Variants in DDR2 observed in about 807,000 individuals in gnomAD.
DDR2 encodes discoidin domain receptor tyrosine kinase 2, also known as discoidin domain-containing receptor 2.
A neutral mutation model predicts 94.9 loss-of-function variants in DDR2; 27 were observed. That is an observed-to-expected ratio of 0.28 (90% CI 0.21 to 0.39). The LOEUF is 0.39. DDR2 is among the 10% of genes least tolerant of loss of function. The pLI is 1.00. For missense variants in DDR2, 783 were observed against 1,076.0 expected (o/e 0.73, Z 3.81); for synonymous variants, 382 against 377.2 (o/e 1.01, Z -0.15).
chr1:162,689,197 C>T (rs888772859), intron 2 of DDR2, among the ~76,000 whole-genome samples: 5 of 152,158 alleles, frequency 3.3e-5, no homozygotes, highest in African/African-American at 9.7e-5. Context: ...GACAACAGCA[C>T]TCTGTCATGC....
At chr1:162,693,707 C>T (rs971849779) in intron 2 of DDR2, among the ~76,000 whole-genome samples, 3 of 152,100 alleles carry the variant, frequency 2.0e-5, no homozygotes, top group East Asian at 3.9e-4. Context: ...ATGGGGTGGT[C>T]GAAGAGGACC....
At chr1:162,717,330 C>T (rs1327626706) in intron 2 of DDR2, among the ~76,000 whole-genome samples, 2 of 152,210 alleles carry the variant, frequency 1.3e-5, no homozygotes, top group Non-Finnish European at 2.9e-5. Flanking sequence ...GCCACTGTGC[C>T]TGGCTTTCTA....
chr1:162,660,085 A>G (rs1254235566), intron 2 of DDR2, among the ~76,000 whole-genome samples: 1 of 152,132 alleles, frequency 6.6e-6, no homozygotes, highest in Non-Finnish European at 1.5e-5. Flanking sequence ...TTTTTTGGGC[A>G]CAGAACTCCT....
At chr1:162,675,488 T>C (rs1659084365) in intron 2 of DDR2, among the ~76,000 whole-genome samples, 1 of 152,166 alleles carries the variant, frequency 6.6e-6, no homozygotes, top group South Asian at 2.1e-4. Context: ...GCCTGTAGCC[T>C]GGAGGTGGCT....
Position 162,767,066 on chromosome 1 carries a change from C to A in DDR2, c.1163-163C>A, listed in dbSNP as rs1533083. On this transcript the variant is annotated intron_variant, in intron 10 of 17. Transcript: ENST00000367921. ...AAGTAATAAAACAGTAGCAAGAAAA[C>A]AAAACAGTAGCAAGAGCAAGAATAA... is the stretch of plus-strand genomic sequence containing the variant. 0.97 allele frequency among the ~76,000 whole-genome samples: 144,063 copies of A among 148,048 alleles called. 70,233 individuals carry two copies. Among genetic ancestry groups the A allele is most frequent in the East Asian group, 1 (5,074 of 5,074 alleles).
At chr1:162,639,390 G>C (rs1657009634) in intron 1 of DDR2, among the ~76,000 whole-genome samples, 1 of 152,144 alleles carries the variant, frequency 6.6e-6, no homozygotes, top group Non-Finnish European at 1.5e-5. Flanking sequence ...ATGGAGAAAA[G>C]GTAGTATTTT....
chr1:162,787,320 A>G lies in DDR2; in HGVS notation c.*7074A>G, dbSNP rs1648188485. On this transcript the variant is annotated 3_prime_UTR_variant, in exon 18 of 18. Transcript: ENST00000367921. ...TATCCATTCACTCATCAATAAAAAC[A>G]TATTATGATGGTTATCAAGCTGTGT... 6.6e-6 allele frequency: 1 copy of G among 151,422 alleles called. No individual in the cohort carries two copies. The highest frequency in any genetic ancestry group is 2.1e-4 in the South Asian group (1 of 4,750). The allele number at this position is 151,422 out of a possible 1,614,324, so 9.4% of individuals were successfully genotyped here.
At chr1:162,729,300 A>ATATATATATTT (rs1416872679) in intron 3 of DDR2, among the ~76,000 whole-genome samples, 10 of 94,002 alleles carry the variant, frequency 1.1e-4, no homozygotes, top group African/African-American at 5.3e-4. Context: ...ATATATATAT[A>ATATATATATTT]TTTTTTTTTT....
intron 11 of DDR2, among the ~76,000 whole-genome samples, chr1:162,767,955 C>A (rs902616510): frequency 6.6e-6 from 1 of 152,072 alleles, no homozygotes; most frequent in Non-Finnish European, 1.5e-5. Flanking sequence ...TCTGTCTATG[C>A]CAAATGATCT....
chr1:162,699,150 G>A (rs189892951), intron 2 of DDR2, among the ~76,000 whole-genome samples: 1 of 152,330 alleles, frequency 6.6e-6, no homozygotes, highest in Admixed American at 6.5e-5. Flanking sequence ...TGTGAATGTG[G>A]GGAGAGGGCA....
chr1:162,772,026 T>C lies in DDR2; in HGVS notation c.1507T>C (p.Cys503Arg), dbSNP rs772392689. ...GCTCGTTGCCCTTGTCTTCCCAGGCTGCAGCGGTGTTGTGAAGCCAGTCCA... is the reference window on the plus strand; with the variant it reads ...GCTCGTTGCCCTTGTCTTCCCAGGCCGCAGCGGTGTTGTGAAGCCAGTCCA... ...EFAPGEEESG[C>R]SGVVKPVQPS... Residue 503 changes from cysteine (C) to arginine (R), a missense_variant and splice_region_variant, in exon 13 of 18, where the codon TGC becomes CGC. Coordinates refer to ENST00000367921, the MANE Select transcript of DDR2 (RefSeq NM_006182.4). 1 of 1,603,834 alleles carries C rather than the reference T, an allele frequency of 6.2e-7. No individual in the cohort carries two copies. The highest frequency in any genetic ancestry group is 1.1e-5 in the South Asian group (1 of 89,308).
chr1:162,667,095 T>C (rs1423396878), intron 2 of DDR2, among the ~76,000 whole-genome samples: 3 of 152,074 alleles, frequency 2.0e-5, no homozygotes, highest in Non-Finnish European at 2.9e-5. Flanking sequence ...CAATTATTTT[T>C]GAATGATGGC....
At chr1:162,778,761 CCT>C (rs1558083240) in intron 17 of DDR2, 32 bp downstream of exon 17, 1 of 1,613,368 alleles carries the variant, frequency 6.2e-7, no homozygotes, top group Non-Finnish European at 8.5e-7. Flanking sequence ...TGGATGTGGA[CCT>C]GTGTACCTTG....
chr1:162,665,332 A>G (rs926378891), intron 2 of DDR2, among the ~76,000 whole-genome samples: 12 of 152,158 alleles, frequency 7.9e-5, no homozygotes, highest in African/African-American at 2.4e-4. Flanking sequence ...ACAAGGGACT[A>G]TGTTGTAGAT....
At chr1:162,733,486 G>A (rs1662156296) in intron 3 of DDR2, among the ~76,000 whole-genome samples, 1 of 152,110 alleles carries the variant, frequency 6.6e-6, no homozygotes, top group African/African-American at 2.4e-5. Context: ...TAAGGCCCTT[G>A]GGCATACTGA....
At position 162,785,984 on chromosome 1, in the gene DDR2, C is replaced by T. The variant is rs1033828783; in HGVS notation, c.*5738C>T. The T allele has an allele frequency of 2.0e-5, 3 of 152,160 alleles. No homozygotes were observed. Among genetic ancestry groups the T allele is most frequent in the African/African-American group, 7.2e-5 (3 of 41,430 alleles). The allele number at this position is 152,160 out of a possible 1,614,324, so 9.4% of individuals were successfully genotyped here. A position where few individuals can be genotyped will look rare whatever the true frequency, so the allele number is the denominator to read the frequency against. On this transcript the variant is annotated 3_prime_UTR_variant, in exon 18 of 18. Transcript: ENST00000367921. ...GTTTCTCCTGCAGACACCTTGTCAA[C>T]AACATGCAACAGTGTCAGGTGCCTT...
intron 2 of DDR2, among the ~76,000 whole-genome samples, chr1:162,682,446 T>C (rs923037259): frequency 1.3e-5 from 2 of 152,172 alleles, no homozygotes; most frequent in African/African-American, 4.8e-5. Context: ...ACTTTACTTC[T>C]CTCCCAAGTG....
In DDR2 at chr1:162,729,304, T is replaced by TTTG. The variant is rs1553248875; in HGVS notation, c.82+10161_82+10162insGTT. ...TTTATATATATATATATATATATTT[T>TTTG]TTTTTTTTTTTTTTTTCCTTGGGAG... is the stretch of plus-strand genomic sequence containing the variant. On this transcript the variant is annotated intron_variant, in intron 3 of 17. Transcript: ENST00000367921. 3.7e-3 allele frequency among the ~76,000 whole-genome samples: 259 copies of TTTG among 70,758 alleles called. 4 individuals are homozygous for TTTG. The highest frequency in any genetic ancestry group is 0.015 in the African/African-American group (248 of 16,142). 46.4% of individuals were successfully genotyped at this position (70,758 alleles called of 152,430 possible).
chr1:162,660,071 C>T (rs1473836975), intron 2 of DDR2, among the ~76,000 whole-genome samples: 1 of 152,140 alleles, frequency 6.6e-6, no homozygotes, highest in South Asian at 2.1e-4. Flanking sequence ...GCTCAAACTT[C>T]CTGTTTTTTG....
Sources: allele counts gnomAD v4.1 joint callset (sites outside exome capture counted in the v4.1 genomes callset), GRCh38; gene constraint gnomAD v4.1.1; transcripts MANE v1.5; gene names NCBI Gene and HGNC (gene_info 2026-07-23, HGNC 2026-07-21).